Variants in TAFA1 observed in about 807,000 individuals in gnomAD.
TAFA1 encodes the protein chemokine-like protein TAFA-1.
A neutral mutation model predicts 18.5 loss-of-function variants in TAFA1; 4 were observed. The ratio of observed to expected loss-of-function variants is 0.22; its 90% confidence interval spans 0.11 to 0.49. TAFA1 has a LOEUF of 0.49. Among genes scored for constraint, TAFA1 ranks in the 20% least tolerant of loss-of-function variants. The pLI is 0.98. For synonymous variants in TAFA1, 56 were observed against 55.2 expected (o/e 1.01, Z -0.06); for missense variants, 147 against 169.0 (o/e 0.87, Z 0.72).
At chr3:68,022,925 T>G (rs1704728068) in intron 2 of TAFA1, among the ~76,000 whole-genome samples, 1 of 147,972 alleles carries the variant, frequency 6.8e-6, no homozygotes, top group Non-Finnish European at 1.5e-5. Context: ...CTATATTATT[T>G]CATTAATCCT....
chr3:68,192,514 GA>G, intron 2 of TAFA1: 1 of 185,032 alleles, frequency 5.4e-6, no homozygotes, highest in Non-Finnish European at 1.2e-5. Context: ...AATGGAATCT[GA>G]ATTTGACAGG....
intron 2 of TAFA1, among the ~76,000 whole-genome samples, chr3:68,162,727 A>G (rs968628016): frequency 2.6e-5 from 4 of 152,148 alleles, no homozygotes; most frequent in African/African-American, 9.7e-5. Flanking sequence ...TTCTGAAAAC[A>G]CTCCAAGTGA....
chr3:68,128,234 T>C (rs1185856783), intron 2 of TAFA1, among the ~76,000 whole-genome samples: 1 of 152,162 alleles, frequency 6.6e-6, no homozygotes, highest in Non-Finnish European at 1.5e-5. Context: ...TTTATACTAA[T>C]CTAACATCTT....
intron 2 of TAFA1, among the ~76,000 whole-genome samples, chr3:68,023,932 G>T (rs377138467): frequency 1.3e-5 from 2 of 152,040 alleles, no homozygotes; most frequent in African/African-American, 4.8e-5. Context: ...TAAGGGTCTT[G>T]CTTGCTTACT....
chr3:68,077,820 A>T (rs2064846288), intron 2 of TAFA1, among the ~76,000 whole-genome samples: 1 of 151,952 alleles, frequency 6.6e-6, no homozygotes, highest in South Asian at 2.1e-4. Flanking sequence ...ATGAACTTTA[A>T]AGTAGTTTTT....
intron 2 of TAFA1, among the ~76,000 whole-genome samples, chr3:68,238,778 T>C (rs1320754307): frequency 6.6e-6 from 1 of 152,178 alleles, no homozygotes; most frequent in Non-Finnish European, 1.5e-5. Context: ...CTTCTCTCCA[T>C]AGCCTCAATC....
At chr3:68,044,238 T>G (rs1458881223) in intron 2 of TAFA1, among the ~76,000 whole-genome samples, 2 of 152,202 alleles carry the variant, frequency 1.3e-5, no homozygotes, top group Non-Finnish European at 1.5e-5. Flanking sequence ...GCAATTATAG[T>G]GTTACATTTA....
intron 2 of TAFA1, among the ~76,000 whole-genome samples, chr3:68,273,779 C>A (rs553915179): frequency 6.6e-6 from 1 of 152,126 alleles, no homozygotes; most frequent in Non-Finnish European, 1.5e-5. Context: ...TAGTATAATG[C>A]ACAGGAAGAA....
intron 2 of TAFA1, among the ~76,000 whole-genome samples, chr3:68,390,947 C>A (rs187646761): frequency 5.6e-4 from 86 of 152,302 alleles, no homozygotes; most frequent in African/African-American, 2.0e-3. Context: ...CAGAACACCT[C>A]TTTTCTTCCA....
chr3:68,165,230 G>T (rs961558921), intron 2 of TAFA1, among the ~76,000 whole-genome samples: 1 of 152,184 alleles, frequency 6.6e-6, no homozygotes. Context: ...AAAAATGTTA[G>T]TAAATTTGCA....
At chr3:68,351,160 C>T (rs1167145632) in intron 2 of TAFA1, among the ~76,000 whole-genome samples, 1 of 152,026 alleles carries the variant, frequency 6.6e-6, no homozygotes, top group Non-Finnish European at 1.5e-5. Context: ...TGTTAAAATT[C>T]CTTGGGTGTT....
intron 3 of TAFA1, among the ~76,000 whole-genome samples, chr3:68,438,980 C>G (rs1373968365): frequency 2.6e-5 from 4 of 152,048 alleles, no homozygotes; most frequent in African/African-American, 9.7e-5. Context: ...CCTTCCTAGC[C>G]CCCTGGGCCT....
intron 2 of TAFA1, among the ~76,000 whole-genome samples, chr3:68,390,252 G>T (rs980627659): frequency 6.6e-6 from 1 of 152,052 alleles, no homozygotes; most frequent in Non-Finnish European, 1.5e-5. Flanking sequence ...GTTCAGACTG[G>T]GCAGAGCTCA....
intron 2 of TAFA1, among the ~76,000 whole-genome samples, chr3:68,189,802 G>A (rs1439759872): frequency 6.6e-6 from 1 of 151,928 alleles, no homozygotes; most frequent in Non-Finnish European, 1.5e-5. Flanking sequence ...CAGGAGAAGG[G>A]TCTGGCATTA....
At chr3:68,375,089 C>G (rs903194025) in intron 2 of TAFA1, among the ~76,000 whole-genome samples, 2 of 152,084 alleles carry the variant, frequency 1.3e-5, no homozygotes, top group Non-Finnish European at 2.9e-5. Flanking sequence ...TAAGAAGATT[C>G]TCTTTTGGCA....
At chr3:68,407,044 A>G (rs146040407) in intron 2 of TAFA1, among the ~76,000 whole-genome samples, 1 of 152,244 alleles carries the variant, frequency 6.6e-6, no homozygotes, top group African/African-American at 2.4e-5. Context: ...ACTTTTAGCA[A>G]TTTTATTTCA....
chr3:68,341,607 T>G (rs2069085755), intron 2 of TAFA1, among the ~76,000 whole-genome samples: 1 of 152,188 alleles, frequency 6.6e-6, no homozygotes, highest in Non-Finnish European at 1.5e-5. Context: ...AAAGGGCTAT[T>G]ACCAATTTTG....
At position 68,544,677 on chromosome 3, in the gene TAFA1, C is replaced by T; in HGVS notation, c.*174C>T. 1.6e-6 allele frequency: 1 copy of T among 622,544 alleles called. No individual in the cohort carries two copies. The highest frequency in any genetic ancestry group is 2.7e-6 in the Non-Finnish European group (1 of 369,066). The allele number at this position is 622,544 out of a possible 1,614,324, so 38.6% of individuals were successfully genotyped here. A position where few individuals can be genotyped will look rare whatever the true frequency, so the allele number is the denominator to read the frequency against. On this transcript the variant is annotated 3_prime_UTR_variant, in exon 5 of 5. Transcript: ENST00000478136. ...AACGAAATATCCTACAGTGAGAAGA[C>T]ACAGCGTTTTGGCAACACCATGGAA...
intron 2 of TAFA1, among the ~76,000 whole-genome samples, chr3:68,150,082 T>G (rs1316762230): frequency 6.6e-6 from 1 of 152,222 alleles, no homozygotes; most frequent in Non-Finnish European, 1.5e-5. Context: ...TTCAGTAATA[T>G]GAAAATTGTC....
Sources: gnomAD v4.1 joint callset for allele counts (sites outside exome capture counted in the v4.1 genomes callset) on GRCh38, gnomAD v4.1.1 for gene constraint, MANE v1.5 for transcripts, NCBI Gene and HGNC (gene_info 2026-07-23, HGNC 2026-07-21) for gene names.